Variants in CNTN3 observed in about 807,000 individuals in gnomAD.
CNTN3 encodes contactin 3.
Under a neutral mutation model 119.1 loss-of-function variants are expected in CNTN3, and 60 were observed. The ratio of observed to expected loss-of-function variants is 0.50; its 90% CI spans 0.41 to 0.62. CNTN3 has a LOEUF of 0.62. Ranked by LOEUF, CNTN3 falls within the 20% of genes least tolerant of loss-of-function variation. CNTN3 has a pLI of 0.00. For synonymous variants in CNTN3, 450 were observed against 438.7 expected, an observed-to-expected ratio of 1.03 and a Z score of -0.32; for missense variants, 1,101 against 1,242.4, an observed-to-expected ratio of 0.89 and a Z score of 1.71.
intron 5 of CNTN3, among the ~76,000 whole-genome samples, chr3:74,389,619 A>G (rs980975219): frequency 6.6e-6 from 1 of 152,104 alleles, no homozygotes; most frequent in African/African-American, 2.4e-5. Flanking sequence ...TCTTCACACC[A>G]TCCCATCAGG....
chr3:74,448,557 C>T (rs980828494), intron 4 of CNTN3, among the ~76,000 whole-genome samples: 4 of 152,040 alleles, frequency 2.6e-5, no homozygotes, highest in Non-Finnish European at 5.9e-5. Context: ...CACCTGCTAA[C>T]CTGAGGAACT....
At chr3:74,416,529 T>C (rs758912337) in intron 5 of CNTN3, among the ~76,000 whole-genome samples, 64 of 152,156 alleles carry the variant, frequency 4.2e-4, no homozygotes, top group South Asian at 4.1e-4. Flanking sequence ...TATGTGTATA[T>C]GTGTGAGTGT....
At chr3:74,340,092 A>G (rs919238078) in intron 11 of CNTN3, among the ~76,000 whole-genome samples, 3 of 152,166 alleles carry the variant, frequency 2.0e-5, no homozygotes, top group African/African-American at 2.4e-5. Flanking sequence ...AACTGTTTAC[A>G]CAGCACTTAC....
At chr3:74,473,785 G>A (rs968955207) in intron 4 of CNTN3, among the ~76,000 whole-genome samples, 3 of 152,156 alleles carry the variant, frequency 2.0e-5, no homozygotes, top group Non-Finnish European at 4.4e-5. Flanking sequence ...GGAGCAAACT[G>A]TACAGACCCG....
intron 1 of CNTN3, among the ~76,000 whole-genome samples, chr3:74,540,295 C>G (rs1474767031): frequency 6.6e-6 from 1 of 152,056 alleles, no homozygotes; most frequent in East Asian, 1.9e-4. Context: ...GTTTTAGATT[C>G]TAAAGTTTAG....
In CNTN3 at chr3:74,299,957, CAG is replaced by C. The variant is rs1165903736; in HGVS notation, c.2096-21_2096-20del. ...TCTGGAACTATACAGGTCAGAGAAACAGAGATGAAATGGTACTTGCATTTAGT... is the reference window on the plus strand; with the variant it reads ...TCTGGAACTATACAGGTCAGAGAAACAGATGAAATGGTACTTGCATTTAGT... On this transcript the variant is annotated intron_variant, in intron 16 of 22. Transcript: ENST00000263665. 6 of 1,516,302 alleles carry C rather than the reference CAG, an allele frequency of 4.0e-6. No homozygotes were observed. The highest frequency in any genetic ancestry group is 4.5e-6 in the Non-Finnish European group (5 of 1,119,758). 93.9% of individuals were successfully genotyped at this position (1,516,302 alleles called of 1,614,324 possible).
At chr3:74,322,169 CAAAA>C (rs35201394) in intron 13 of CNTN3, among the ~76,000 whole-genome samples, 2 of 94,172 alleles carry the variant, frequency 2.1e-5, no homozygotes, top group Admixed American at 1.1e-4. Flanking sequence ...CTGGGTGACT[CAAAA>C]AAAAAAAAAA....
intron 1 of CNTN3, among the ~76,000 whole-genome samples, chr3:74,536,527 G>A (rs756061807): frequency 6.6e-6 from 1 of 152,046 alleles, no homozygotes; most frequent in Non-Finnish European, 1.5e-5. Flanking sequence ...AAAAGCAACA[G>A]TAGAGATCCA....
intron 5 of CNTN3, among the ~76,000 whole-genome samples, chr3:74,399,956 T>C (rs527321117): frequency 6.6e-6 from 1 of 152,320 alleles, no homozygotes; most frequent in South Asian, 2.1e-4. Context: ...GGTGTCTTAC[T>C]GATGTTTTTA....
At chr3:74,296,566 C>T (rs1345485533) in intron 18 of CNTN3, among the ~76,000 whole-genome samples, 1 of 152,200 alleles carries the variant, frequency 6.6e-6, no homozygotes, top group Non-Finnish European at 1.5e-5. Context: ...ATCAACTCTA[C>T]TTACTATTCT....
At chr3:74,594,431 T>C (rs1009819167) in intron 1 of CNTN3, among the ~76,000 whole-genome samples, 2 of 151,962 alleles carry the variant, frequency 1.3e-5, no homozygotes, top group Non-Finnish European at 1.5e-5. Flanking sequence ...CTCCTAATGC[T>C]ATCCCTCCCC....
chr3:74,475,344 T>C (rs1366287783), intron 4 of CNTN3, among the ~76,000 whole-genome samples: 3 of 152,190 alleles, frequency 2.0e-5, no homozygotes, highest in Non-Finnish European at 4.4e-5. Flanking sequence ...AAAGCAGACT[T>C]ATAAATTCTA....
intron 20 of CNTN3, among the ~76,000 whole-genome samples, chr3:74,277,462 A>G (rs1394901105): frequency 2.0e-5 from 3 of 152,072 alleles, no homozygotes; most frequent in Non-Finnish European, 4.4e-5. Flanking sequence ...GATGTTTTAA[A>G]ATACACAAGT....
intron 1 of CNTN3, 80 bp from the exon 2 acceptor site, chr3:74,521,272 A>G: frequency 2.4e-6 from 1 of 418,582 alleles, no homozygotes; most frequent in Non-Finnish European, 4.3e-6. Flanking sequence ...TTCTTTTCGT[A>G]AAAACTGTTT....
chr3:74,494,309 C>CA (rs938573631), intron 3 of CNTN3, among the ~76,000 whole-genome samples: 2 of 151,554 alleles, frequency 1.3e-5, no homozygotes, highest in African/African-American at 2.4e-5. Context: ...GAAAGAGAAA[C>CA]AAAAAAAGGA....
intron 5 of CNTN3, among the ~76,000 whole-genome samples, chr3:74,398,491 C>G (rs1327984403): frequency 6.6e-6 from 1 of 152,154 alleles, no homozygotes; most frequent in Non-Finnish European, 1.5e-5. Flanking sequence ...GCAAACACAG[C>G]TTTTATATGC....
intron 4 of CNTN3, among the ~76,000 whole-genome samples, chr3:74,436,148 A>G (rs1701862691): frequency 6.6e-6 from 1 of 152,208 alleles, no homozygotes; most frequent in African/African-American, 2.4e-5. Context: ...TGTCACTTAG[A>G]GTATTTCTGA....
At chr3:74,438,178 T>C (rs1367403144) in intron 4 of CNTN3, among the ~76,000 whole-genome samples, 1 of 152,220 alleles carries the variant, frequency 6.6e-6, no homozygotes, top group Non-Finnish European at 1.5e-5. Context: ...CAAACATTTT[T>C]AAGAACTTTT....
chr3:74,313,882 A>C (rs1427138697), intron 13 of CNTN3, among the ~76,000 whole-genome samples: 1 of 152,186 alleles, frequency 6.6e-6, no homozygotes, highest in Non-Finnish European at 1.5e-5. Flanking sequence ...TGGCTGCATT[A>C]ATGGGGATTA....
Sources: allele counts gnomAD v4.1 joint callset (sites outside exome capture counted in the v4.1 genomes callset), GRCh38; gene constraint gnomAD v4.1.1; transcripts MANE v1.5; gene names NCBI Gene and HGNC (gene_info 2026-07-23, HGNC 2026-07-21).